The following MARCHF1 variants were observed in gnomAD, a reference collection of about 807,000 sequenced individuals.
The protein encoded by MARCHF1 is E3 ubiquitin-protein ligase MARCHF1.
MARCHF1 carries 40 observed loss-of-function variants against 54.2 expected under a neutral mutation model. The observed-to-expected ratio is 0.74, with a 90% CI of 0.57 to 0.96. MARCHF1 has a LOEUF of 0.96. Ranked by LOEUF, MARCHF1 falls within the 40% of genes least tolerant of loss-of-function variation. MARCHF1 has a pLI of 0.00. For missense variants in MARCHF1, 586 were observed against 656.5 expected (o/e 0.89, Z 1.17); for synonymous variants, 236 against 236.3 (o/e 1.00, Z 0.01).
At chr4:164,035,930 TAAAAA>T (rs35474146) in intron 2 of MARCHF1, among the ~76,000 whole-genome samples, 26 of 116,592 alleles carry the variant, frequency 2.2e-4, no homozygotes, top group African/African-American at 7.5e-4. Flanking sequence ...AAACTAAAAC[TAAAAA>T]AAAAAAAAAA....
At position 164,246,614 on chromosome 4, in the gene MARCHF1, A is replaced by C. The variant is rs1258055876; in HGVS notation, c.-322-134952T>G. 4.4e-5 allele frequency among the ~76,000 whole-genome samples: 2 copies of C among 45,908 alleles called. 1 individual carries two copies. The highest frequency in any genetic ancestry group is 1.2e-4 in the Non-Finnish European group (2 of 17,340). The allele number at this position is 45,908 out of a possible 152,430, so 30.1% of individuals were successfully genotyped here. Reference sequence around the variant, plus strand: ...AAGACAAAATTGACAAATGGGATCTAATTAAATTAAAGAGCTTCTGCACAG... The same window carrying C: ...AAGACAAAATTGACAAATGGGATCTCATTAAATTAAAGAGCTTCTGCACAG... On this transcript the variant is annotated intron_variant, in intron 1 of 9. Coordinates refer to ENST00000514618, the MANE Select transcript of MARCHF1 (RefSeq NM_001394959.1).
intron 3 of MARCHF1, among the ~76,000 whole-genome samples, chr4:163,954,632 C>T (rs1294914303): frequency 6.6e-6 from 1 of 152,096 alleles, no homozygotes; most frequent in Non-Finnish European, 1.5e-5. Context: ...CTATCTCATA[C>T]TTCTTCATAA....
intron 1 of MARCHF1, among the ~76,000 whole-genome samples, chr4:164,143,475 C>T (rs1435319934): frequency 2.7e-5 from 4 of 150,816 alleles, no homozygotes; most frequent in Non-Finnish European, 5.9e-5. Flanking sequence ...GCAGATCTCT[C>T]GGCAGAAACT....
chr4:164,305,658 TA>T (rs1258727757), intron 1 of MARCHF1, among the ~76,000 whole-genome samples: 2 of 152,194 alleles, frequency 1.3e-5, no homozygotes, highest in Non-Finnish European at 2.9e-5. Context: ...TTAATATTTT[TA>T]CTTACCAATG....
chr4:164,249,536 C>A (rs1274219188), intron 1 of MARCHF1, among the ~76,000 whole-genome samples: 1 of 151,920 alleles, frequency 6.6e-6, no homozygotes, highest in African/African-American at 2.4e-5. Context: ...TGTCCTAAAT[C>A]TAAAACATTG....
At chr4:164,018,051 A>G (rs1753582159) in intron 2 of MARCHF1, among the ~76,000 whole-genome samples, 1 of 151,974 alleles carries the variant, frequency 6.6e-6, no homozygotes, top group South Asian at 2.1e-4. Flanking sequence ...ATTCATCAAA[A>G]ATAATTATAT....
intron 4 of MARCHF1, among the ~76,000 whole-genome samples, chr4:163,827,476 A>T (rs1342587353): frequency 6.6e-6 from 1 of 152,176 alleles, no homozygotes; most frequent in African/African-American, 2.4e-5. Flanking sequence ...ATAAGATATA[A>T]ATTTTCTGAA....
intron 9 of MARCHF1, among the ~76,000 whole-genome samples, chr4:163,544,739 T>G (rs1276737676): frequency 1.3e-5 from 2 of 152,250 alleles, no homozygotes; most frequent in Non-Finnish European, 2.9e-5. Context: ...TTCTTCCATT[T>G]TTTCTCTGGG....
chr4:164,304,832 CAGG>C (rs983945336), intron 1 of MARCHF1, among the ~76,000 whole-genome samples: 21 of 152,242 alleles, frequency 1.4e-4, no homozygotes, highest in Middle Eastern at 3.4e-3. Flanking sequence ...ACAGAGTCCA[CAGG>C]AGGTTTTACG....
intron 3 of MARCHF1, among the ~76,000 whole-genome samples, chr4:163,856,045 C>T (rs923913): frequency 0.57 from 86,663 of 151,980 alleles, 25,160 homozygotes; most frequent in East Asian, 0.87. Flanking sequence ...TAGATCTGTA[C>T]GCTTACTTGC....
intron 1 of MARCHF1, among the ~76,000 whole-genome samples, chr4:164,138,363 G>A (rs1426703880): frequency 6.6e-6 from 1 of 151,892 alleles, no homozygotes; most frequent in African/African-American, 2.4e-5. Flanking sequence ...AAATCTTATA[G>A]GGGAGATAAA....
At chr4:163,940,717 T>G (rs979299489) in intron 3 of MARCHF1, among the ~76,000 whole-genome samples, 1 of 152,172 alleles carries the variant, frequency 6.6e-6, no homozygotes, top group Non-Finnish European at 1.5e-5. Flanking sequence ...ATGGAACTTA[T>G]GAATCAGCAT....
chr4:163,585,278 G>T (rs528761390), intron 8 of MARCHF1: 2 of 152,204 alleles, frequency 1.3e-5, no homozygotes, highest in Non-Finnish European at 2.9e-5. Context: ...AACATAAATA[G>T]TACACACTTT....
intron 8 of MARCHF1, chr4:163,556,103 T>TC (rs1236272846): frequency 1.9e-5 from 7 of 372,006 alleles, no homozygotes; most frequent in Admixed American, 1.5e-4. Context: ...TTATTAGATT[T>TC]TTTTTCGTTC....
chr4:163,530,290 A>T (rs1738302216), intron 9 of MARCHF1: 1 of 151,942 alleles, frequency 6.6e-6, no homozygotes, highest in Non-Finnish European at 1.5e-5. Flanking sequence ...AGCAAACACC[A>T]TTTTATTCTT....
chr4:164,007,640 CTCTCTCTGTGTGTG>C (rs1372247763), intron 2 of MARCHF1, among the ~76,000 whole-genome samples: 7 of 96,022 alleles, frequency 7.3e-5, no homozygotes, highest in African/African-American at 3.1e-4. Flanking sequence ...TTCTCTCTCT[CTCTCTCTGTGTGTG>C]TGTGTGTGTG....
At chr4:164,374,263 G>T (rs899647846) in intron 1 of MARCHF1, among the ~76,000 whole-genome samples, 1 of 151,814 alleles carries the variant, frequency 6.6e-6, no homozygotes, top group Admixed American at 6.6e-5. Flanking sequence ...TTTAAGTTTT[G>T]CTTTAATATT....
chr4:163,960,756 A>T (rs1303297787), intron 3 of MARCHF1, among the ~76,000 whole-genome samples: 1 of 151,742 alleles, frequency 6.6e-6, no homozygotes, highest in Non-Finnish European at 1.5e-5. Context: ...AACCTCTGTT[A>T]CATGTGTTTA....
At chr4:164,161,293 C>T (rs1730227580) in intron 1 of MARCHF1, among the ~76,000 whole-genome samples, 1 of 152,020 alleles carries the variant, frequency 6.6e-6, no homozygotes, top group South Asian at 2.1e-4. Context: ...GTGCCTGCTC[C>T]CCCTTCACCT....
Sources: allele counts gnomAD v4.1 joint callset (sites outside exome capture counted in the v4.1 genomes callset), GRCh38; gene constraint gnomAD v4.1.1; transcripts MANE v1.5; gene names NCBI Gene and HGNC (gene_info 2026-07-23, HGNC 2026-07-21).